The following CC2D2A variants were observed in gnomAD, a reference collection of about 807,000 sequenced individuals.
The protein encoded by CC2D2A is coiled-coil and C2 domain containing 2A.
Under a neutral mutation model 212.9 loss-of-function variants are expected in CC2D2A, and 155 were observed. That is an observed-to-expected ratio of 0.73 (90% CI 0.64 to 0.83). CC2D2A has a LOEUF of 0.83. CC2D2A is among the 40% of genes least tolerant of loss of function. The probability of loss-of-function intolerance (pLI) is 0.00; values close to 1 mark genes in which losing one functional copy is unlikely to be tolerated. For synonymous variants in CC2D2A, 667 were observed against 686.5 expected (o/e 0.97, Z 0.44); for missense variants, 1,856 against 1,956.2 (o/e 0.95, Z 0.97).
chr4:15,538,862 G>A (rs1023281129), intron 16 of CC2D2A, among the ~76,000 whole-genome samples: 1 of 151,600 alleles, frequency 6.6e-6, no homozygotes, highest in African/African-American at 2.4e-5. Flanking sequence ...TCAAAGTATA[G>A]CCCCAGAATC....
At chr4:15,492,587 C>T in intron 4 of CC2D2A, 1 of 391,440 alleles carries the variant, frequency 2.6e-6, no homozygotes, top group Non-Finnish European at 4.9e-6. Flanking sequence ...CCTCCCTCTT[C>T]AGGGGGTCTG....
Position 15,599,530 on chromosome 4 carries a change from A to AT in CC2D2A, c.4500dup (p.Glu1501Ter). 1.3e-6 allele frequency: 2 copies of AT among 1,552,248 alleles called. No homozygotes were observed. The highest frequency in any genetic ancestry group is 1.7e-6 in the Non-Finnish European group (2 of 1,144,150). The stretch of plus-strand genomic sequence containing the variant: ...ATGGAATTTATGTTTTGTGAACAGG[A>AT]TTGAAAAAATACTAAAAGAAAAAAT... On this transcript the variant is annotated frameshift_variant and splice_region_variant, in exon 36 of 37. Transcript: ENST00000424120. LOFTEE classifies it high-confidence loss of function.
intron 3 of CC2D2A, chr4:15,479,412 A>C: frequency 8.9e-7 from 1 of 1,123,164 alleles, no homozygotes; most frequent in South Asian, 1.3e-5. Context: ...TGGAACAATC[A>C]AGATGCCAGC....
chr4:15,487,397 CTTCT>C (rs1413871468), intron 4 of CC2D2A, among the ~76,000 whole-genome samples: 3 of 152,050 alleles, frequency 2.0e-5, no homozygotes, highest in East Asian at 3.9e-4. Flanking sequence ...GTATAATGAC[CTTCT>C]TTGTCTCTTT....
At chr4:15,516,846 T>C in intron 11 of CC2D2A, 90 bp downstream of exon 11, 1 of 1,292,038 alleles carries the variant, frequency 7.7e-7, no homozygotes, top group African/African-American at 1.5e-5. Context: ...TATAACATTC[T>C]ACTTTAATTT....
rs200236654 is a variant in CC2D2A, at chr4:15,540,872, G to T, written c.2039G>T (p.Arg680Leu). ...TCGAGAAGGGAGGATGTAAAGAAGC[G>T]CTCAGTGTACTTAAAAGTGCTGTTC... ...EVSRREDVKK[R>L]SVYLKVLFNN... Residue 680 changes from arginine to leucine, a missense_variant, in exon 17 of 37, where the codon CGC (arginine) becomes CTC (leucine). Coordinates refer to ENST00000424120, the MANE Select transcript of CC2D2A (RefSeq NM_001378615.1). 3.8e-6 allele frequency: 6 copies of T among 1,599,852 alleles called. No individual in the cohort carries two copies. Among genetic ancestry groups the T allele is most frequent in the Non-Finnish European group, 5.1e-6 (6 of 1,173,066 alleles).
chr4:15,600,917 A>G (rs75832186), intron 36 of CC2D2A, among the ~76,000 whole-genome samples: 11 of 149,834 alleles, frequency 7.3e-5, no homozygotes, highest in Non-Finnish European at 1.2e-4. Flanking sequence ...AAAAAAAAAA[A>G]AAAAGAAAAA....
rs1714729442 is a variant in CC2D2A, at chr4:15,482,345, A to G, written c.247+1518A>G. 7 of 949,842 alleles carry G rather than the reference A, an allele frequency of 7.4e-6. No homozygotes were observed. In the South Asian group the frequency reaches 3.4e-4, roughly 46 times the overall value. The allele number at this position is 949,842 out of a possible 1,614,324, so 58.8% of individuals were successfully genotyped here. On this transcript the variant is annotated intron_variant, in intron 4 of 36. Transcript: ENST00000424120. ...TTACAACTTGTCATTTCAGGCTGCC[A>G]TAACAAAATACTATAGACTGGGGGG...
chr4:15,499,441 A>T (rs1410986712), intron 4 of CC2D2A, among the ~76,000 whole-genome samples: 1 of 152,176 alleles, frequency 6.6e-6, no homozygotes, highest in African/African-American at 2.4e-5. Flanking sequence ...AAAGTCTATT[A>T]AAAGTGATAA....
intron 4 of CC2D2A, among the ~76,000 whole-genome samples, chr4:15,495,804 G>T (rs1560149860): frequency 6.6e-6 from 1 of 152,142 alleles, no homozygotes; most frequent in Non-Finnish European, 1.5e-5. Flanking sequence ...TTGGGAAATT[G>T]CCAGACTGCT....
At chr4:15,547,408 C>A (rs1219746182) in intron 17 of CC2D2A, among the ~76,000 whole-genome samples, 1 of 152,180 alleles carries the variant, frequency 6.6e-6, no homozygotes, top group Admixed American at 6.5e-5. Flanking sequence ...AGAACATACT[C>A]CTTCTAACTA....
chr4:15,574,677 C>T (rs564217354), intron 29 of CC2D2A, among the ~76,000 whole-genome samples: 1 of 152,160 alleles, frequency 6.6e-6, no homozygotes, highest in African/African-American at 2.4e-5. Context: ...TATCAGATTG[C>T]TCTTTTATTT....
intron 6 of CC2D2A, among the ~76,000 whole-genome samples, chr4:15,509,920 A>G (rs1433943131): frequency 6.6e-6 from 1 of 152,224 alleles, no homozygotes; most frequent in East Asian, 1.9e-4. Context: ...CCGTATTTAT[A>G]GTCTATGAGA....
intron 13 of CC2D2A, among the ~76,000 whole-genome samples, chr4:15,529,036 G>T (rs1382716899): frequency 6.6e-6 from 1 of 152,176 alleles, no homozygotes; most frequent in East Asian, 1.9e-4. Flanking sequence ...TTCTGATTCA[G>T]ATACAAGATG....
At chr4:15,483,962 G>T (rs867469105) in intron 4 of CC2D2A, among the ~76,000 whole-genome samples, 2 of 152,214 alleles carry the variant, frequency 1.3e-5, no homozygotes, top group Non-Finnish European at 2.9e-5. Context: ...CCTTGGGCAA[G>T]TTCTCCGACC....
At chr4:15,561,760 A>G (rs1163159566) in intron 23 of CC2D2A, among the ~76,000 whole-genome samples, 1 of 152,124 alleles carries the variant, frequency 6.6e-6, no homozygotes, top group Non-Finnish European at 1.5e-5. Flanking sequence ...AGCATTGACA[A>G]TGGAAGAGTG....
In CC2D2A at chr4:15,484,024, G is replaced by A. The variant is rs573981677; in HGVS notation, c.247+3197G>A. ...TAAAACAGGGACAATAATAGATTGCGTGAACACTGCCACAGAGTTTATACT... is the reference window on the plus strand; with the variant it reads ...TAAAACAGGGACAATAATAGATTGCATGAACACTGCCACAGAGTTTATACT... On this transcript the variant is annotated intron_variant, in intron 4 of 36. Transcript: ENST00000424120. Among the ~76,000 whole-genome samples, 6 of 152,194 alleles carry A rather than the reference G, an allele frequency of 3.9e-5. No individual in the cohort carries two copies. The South Asian group carries it at 6.2e-4, about 16-fold the overall frequency.
intron 16 of CC2D2A, among the ~76,000 whole-genome samples, chr4:15,540,161 T>C (rs1437285245): frequency 1.3e-5 from 2 of 152,214 alleles, no homozygotes; most frequent in Non-Finnish European, 2.9e-5. Flanking sequence ...TTGTTTCAAA[T>C]TTTGATGCCC....
intron 22 of CC2D2A, among the ~76,000 whole-genome samples, chr4:15,559,669 T>G (rs999381860): frequency 6.6e-6 from 1 of 151,734 alleles, no homozygotes; most frequent in African/African-American, 2.4e-5. Context: ...CGTTTGTCCT[T>G]TTTCCTTCTT....
Sources: allele counts gnomAD v4.1 joint callset (sites outside exome capture counted in the v4.1 genomes callset), GRCh38; gene constraint gnomAD v4.1.1; transcripts MANE v1.5; gene names NCBI Gene and HGNC (gene_info 2026-07-23, HGNC 2026-07-21).